Variants in HSPA12A observed in about 807,000 individuals in gnomAD.
The protein encoded by HSPA12A is heat shock protein family A (Hsp70) member 12A, also known as heat shock 70 kDa protein 12A.
HSPA12A carries 28 observed loss-of-function variants against 69.2 expected under a neutral mutation model. The observed-to-expected ratio is 0.40, with a 90% CI of 0.30 to 0.55. The LOEUF (loss-of-function observed/expected upper bound fraction) is 0.55. HSPA12A is among the 20% of genes least tolerant of loss of function. The pLI is 0.38. For synonymous variants in HSPA12A, 345 were observed against 370.5 expected, an observed-to-expected ratio of 0.93 and a Z score of 0.79; for missense variants, 686 against 900.7, an observed-to-expected ratio of 0.76 and a Z score of 3.05.
chr10:116,786,814 A>T (rs368397915), intron 2 of HSPA12A, among the ~76,000 whole-genome samples: 7 of 152,022 alleles, frequency 4.6e-5, no homozygotes, highest in African/African-American at 1.7e-4. Flanking sequence ...TAATTTTTGT[A>T]TTTTTAGTAG....
chr10:116,796,141 C>A (rs1244508631), intron 2 of HSPA12A, among the ~76,000 whole-genome samples: 1 of 54,020 alleles, frequency 1.9e-5, no homozygotes, highest in Non-Finnish European at 2.9e-5. Context: ...GAGCAAGACT[C>A]CATCAAAAAA....
chr10:116,826,483 C>T (rs991039169), intron 2 of HSPA12A, among the ~76,000 whole-genome samples: 1 of 152,154 alleles, frequency 6.6e-6, no homozygotes, highest in African/African-American at 2.4e-5. Context: ...AGAGTCTGAG[C>T]CATCTACAGA....
upstream of HSPA12A, among the ~76,000 whole-genome samples, chr10:116,745,990 C>A (rs1023159594): frequency 1.3e-5 from 2 of 152,182 alleles, no homozygotes; most frequent in East Asian, 1.9e-4. Context: ...CCACCTCCCC[C>A]TCTAGCTGCC....
At chr10:116,803,925 A>G (rs1235350144) in intron 2 of HSPA12A, among the ~76,000 whole-genome samples, 7 of 152,140 alleles carry the variant, frequency 4.6e-5, no homozygotes, top group Non-Finnish European at 8.8e-5. Flanking sequence ...CCTTTTGAAA[A>G]TAACACAATT....
At chr10:116,787,870 A>G (rs1844611476) in intron 2 of HSPA12A, among the ~76,000 whole-genome samples, 1 of 152,154 alleles carries the variant, frequency 6.6e-6, no homozygotes, top group Non-Finnish European at 1.5e-5. Context: ...AACTGGCTTC[A>G]GCGTGGGGGC....
chr10:116,845,401 C>T (rs903468579), intron 1 of HSPA12A, among the ~76,000 whole-genome samples: 6 of 152,146 alleles, frequency 3.9e-5, no homozygotes, highest in African/African-American at 1.4e-4. Context: ...ACTGGGATTC[C>T]ACCTTAGGTT....
At chr10:116,811,930 A>G (rs17095297) in intron 2 of HSPA12A, among the ~76,000 whole-genome samples, 2,227 of 152,262 alleles carry the variant, frequency 0.015, 45 homozygotes, top group African/African-American at 0.047. Context: ...GCCCTCCCTC[A>G]ATGGCGGCGG....
rs552979427 is a variant in HSPA12A at position 116,788,449 on chromosome 10, G to A, written c.91+46486C>T. Among the ~76,000 whole-genome samples, 12 of 152,272 alleles carry A rather than the reference G, an allele frequency of 7.9e-5. No individual in the cohort carries two copies. The South Asian group carries it at 1.9e-3, about 24-fold the overall frequency. On this transcript the variant is annotated intron_variant, in intron 2 of 12. Transcript: ENST00000635765. ...CTAACTCTTCTCCCAAAATACAATA[G>A]CTTGTTTCTCCCCTTGCAAAATACA...
At chr10:116,837,312 G>A (rs888136445) in intron 1 of HSPA12A, among the ~76,000 whole-genome samples, 23 of 152,160 alleles carry the variant, frequency 1.5e-4, no homozygotes, top group African/African-American at 5.6e-4. Flanking sequence ...AATTCAGTTG[G>A]TGGGAAGGGC....
At position 116,682,862 on chromosome 10, in the gene HSPA12A, G is replaced by A. The variant is rs1417863563; in HGVS notation, c.835+929C>T. ...ACTACAGGCACCCGCCACCTCGCCC[G>A]GCTAATTTTTTTTTTTTTTTTTTTT... On this transcript the variant is annotated intron_variant, in intron 7 of 11. Transcript: ENST00000369209. Among the ~76,000 whole-genome samples, 21 of 119,478 alleles carry A rather than the reference G, an allele frequency of 1.8e-4. 1 individual carries two copies. Among genetic ancestry groups the A allele is most frequent in the African/African-American group, 5.9e-4 (17 of 28,862 alleles). The allele number at this position is 119,478 out of a possible 152,430, so 78.4% of individuals were successfully genotyped here.
intron 2 of HSPA12A, among the ~76,000 whole-genome samples, chr10:116,767,522 C>T (rs1844107031): frequency 6.6e-6 from 1 of 152,242 alleles, no homozygotes; most frequent in African/African-American, 2.4e-5. Context: ...TCTGCTCCCA[C>T]TAGCCTCAGC....
intron 2 of HSPA12A, among the ~76,000 whole-genome samples, chr10:116,705,892 CCTTTT>C (rs1564788129): frequency 2.3e-5 from 3 of 129,432 alleles, no homozygotes; most frequent in Admixed American, 1.5e-4. Flanking sequence ...TTCTCTCTCT[CCTTTT>C]TTTTTTTTTT....
intron 2 of HSPA12A, among the ~76,000 whole-genome samples, chr10:116,778,232 A>C (rs1844384604): frequency 6.6e-6 from 1 of 152,198 alleles, no homozygotes; most frequent in African/African-American, 2.4e-5. Flanking sequence ...TTAAATATGC[A>C]TATGTTTTTG....
chr10:116,793,155 C>T (rs1204100625), intron 2 of HSPA12A, among the ~76,000 whole-genome samples: 1 of 152,128 alleles, frequency 6.6e-6, no homozygotes, highest in Non-Finnish European at 1.5e-5. Flanking sequence ...TAGCAAACTA[C>T]AATAAAGGAA....
At chr10:116,811,979 A>G (rs1845198367) in intron 2 of HSPA12A, among the ~76,000 whole-genome samples, 1 of 152,182 alleles carries the variant, frequency 6.6e-6, no homozygotes, top group African/African-American at 2.4e-5. Context: ...GCCAGGCCAG[A>G]GTGCAGAGGG....
chr10:116,698,842 C>A, intron 4 of HSPA12A, 103 bp from the exon 5 acceptor site: 1 of 871,142 alleles, frequency 1.1e-6, no homozygotes, highest in South Asian at 1.5e-5. Flanking sequence ...CCTGGTGAGC[C>A]ATGTCTGTGT....
At chr10:116,817,632 T>C (rs1001363953) in intron 2 of HSPA12A, among the ~76,000 whole-genome samples, 1 of 152,058 alleles carries the variant, frequency 6.6e-6, no homozygotes, top group African/African-American at 2.4e-5. Flanking sequence ...GCCAATAGAA[T>C]GAAGAGAAGT....
intron 2 of HSPA12A, among the ~76,000 whole-genome samples, chr10:116,772,666 T>A (rs1226935959): frequency 1.3e-5 from 2 of 152,018 alleles, no homozygotes; most frequent in Non-Finnish European, 2.9e-5. Context: ...TTTTCCTTTC[T>A]ATCTTTATTT....
At chr10:116,700,827 T>C (rs1850057266) in intron 4 of HSPA12A, 116 bp downstream of exon 4, 1 of 892,628 alleles carries the variant, frequency 1.1e-6, no homozygotes, top group East Asian at 2.4e-5. Context: ...GATTTCTGCT[T>C]GGAAGAGACC....
Sources: allele counts gnomAD v4.1 joint callset (sites outside exome capture counted in the v4.1 genomes callset), GRCh38; gene constraint gnomAD v4.1.1; transcripts MANE v1.5; gene names NCBI Gene and HGNC (gene_info 2026-07-23, HGNC 2026-07-21).